Variants in SYS1 observed in about 807,000 individuals in gnomAD.
SYS1 encodes protein SYS1 homolog.
A neutral mutation model predicts 17.8 loss-of-function variants in SYS1; 8 were observed. The ratio of observed to expected loss-of-function variants is 0.45; its 90% CI spans 0.26 to 0.81. The LOEUF (loss-of-function observed/expected upper bound fraction) is 0.81, where lower values mean the gene tolerates loss of function less well. Among genes scored for constraint, SYS1 ranks in the 40% least tolerant of loss-of-function variants. The pLI is 0.16. For missense variants in SYS1, 161 were observed against 203.9 expected (o/e 0.79, Z 1.28); for synonymous variants, 95 against 90.9 (o/e 1.05, Z -0.26).
rs1366601071 is a variant in SYS1 at position 45,363,156 on chromosome 20, C to CT, written c.-160dup. ...TCCGCTGCTTTCCCCGGAAACGTTT[C>CT]TTTCCTACGCAGCCGCTCCTGCCGC... On this transcript the variant is annotated 5_prime_UTR_variant, in exon 1 of 4. Coordinates refer to ENST00000243918, the MANE Select transcript of SYS1 (RefSeq NM_033542.4). The CT allele has an allele frequency of 9.7e-7, 1 of 1,029,010 alleles. No homozygotes were observed. Among genetic ancestry groups the CT allele is most frequent in the African/African-American group, 1.7e-5 (1 of 58,340 alleles). 63.7% of individuals were successfully genotyped at this position (1,029,010 alleles called of 1,614,324 possible). A position where few individuals can be genotyped will look rare whatever the true frequency, so the allele number is the denominator to read the frequency against.
Position 45,368,863 on chromosome 20 carries a change from G to C in SYS1, c.*1748G>C. 1.0e-6 allele frequency: 1 copy of C among 984,910 alleles called. No homozygotes were observed. Among genetic ancestry groups the C allele is most frequent in the Non-Finnish European group, 1.2e-6 (1 of 829,468 alleles). The allele number at this position is 984,910 out of a possible 1,614,324, so 61.0% of individuals were successfully genotyped here. A position where few individuals can be genotyped will look rare whatever the true frequency, so the allele number is the denominator to read the frequency against. ...TGGCTGCTGTCACCCTTGACCAGCC[G>C]TGGTGGTGGTTACTCCATCTGTGGT... On this transcript the variant is annotated 3_prime_UTR_variant, in exon 4 of 4. Transcript: ENST00000243918.
Position 45,367,263 on chromosome 20 carries a change from TCA to T in SYS1, c.*149_*150del. The stretch of plus-strand genomic sequence containing the variant: ...GTTTGGGAGAGATAGTGAGGGCCTG[TCA>T]AAGAAGGCAGGTAGCAGTCAGCATG... On this transcript the variant is annotated 3_prime_UTR_variant, in exon 4 of 4. Coordinates refer to ENST00000243918, the MANE Select transcript of SYS1 (RefSeq NM_033542.4). 6.8e-7 allele frequency: 1 copy of T among 1,465,364 alleles called. No individual in the cohort carries two copies. Among genetic ancestry groups the T allele is most frequent in the East Asian group, 2.4e-5 (1 of 42,064 alleles). The allele number at this position is 1,465,364 out of a possible 1,614,324, so 90.8% of individuals were successfully genotyped here.
At chr20:45,373,675 G>A, downstream of SYS1, 1 of 567,070 alleles carries the variant, frequency 1.8e-6, no homozygotes, top group South Asian at 2.2e-5. Flanking sequence ...CGAGCGCCCT[G>A]ACTTCACAGA....
intron 2 of SYS1, among the ~76,000 whole-genome samples, chr20:45,364,693 G>A (rs952328010): frequency 3.3e-5 from 5 of 151,760 alleles, no homozygotes; most frequent in Admixed American, 2.6e-4. Context: ...GGATGGTCTC[G>A]ATCTCCTGAC....
intron 3 of SYS1, chr20:45,374,281 C>CT (rs762125192): frequency 8.7e-5 from 60 of 690,220 alleles, no homozygotes; most frequent in Admixed American, 2.1e-4. Context: ...TTTTTCCTTT[C>CT]TTTTTTTTTA....
chr20:45,367,162 C>A lies in SYS1; in HGVS notation c.*47C>A. 1.2e-6 allele frequency: 2 copies of A among 1,605,992 alleles called. No individual in the cohort carries two copies. The highest frequency in any genetic ancestry group is 1.7e-6 in the Non-Finnish European group (2 of 1,175,296). ...TGCTGACACTTGGGCCCCTTAACAC[C>A]TTGGGCTGCTCAGACCCTCCAGATG... On this transcript the variant is annotated 3_prime_UTR_variant, in exon 4 of 4. Coordinates refer to ENST00000243918, the MANE Select transcript of SYS1 (RefSeq NM_033542.4).
chr20:45,369,728 A>G (rs896463994), downstream of SYS1, among the ~76,000 whole-genome samples: 14 of 151,076 alleles, frequency 9.3e-5, no homozygotes, highest in African/African-American at 3.4e-4. Flanking sequence ...CAGCCCCCCA[A>G]GTAGCTGGGA....
chr20:45,371,080 A>G (rs2741425), downstream of SYS1, among the ~76,000 whole-genome samples: 520 of 152,254 alleles, frequency 3.4e-3, 5 homozygotes, highest in African/African-American at 0.012. Flanking sequence ...GATCTTGGGT[A>G]AGCTATGTTA....
chr20:45,373,624 TCGC>T (rs1988623246), downstream of SYS1: 1 of 454,306 alleles, frequency 2.2e-6, no homozygotes, highest in African/African-American at 1.9e-5. Flanking sequence ...TCTTGCGAGC[TCGC>T]GGGGCGATTG....
Position 45,365,675 on chromosome 20 carries a change from C to T in SYS1, c.219C>T (p.Asn73=), listed in dbSNP as rs777457455. The stretch of plus-strand genomic sequence containing the variant: ...TCTCCATGATGTCCTTCATCCTCAA[C>T]GCCCTCACCTGGTGAGTATCACCAG... ...GRLSMMSFIL[N]ALTCALGLLY... The change falls in exon 3 of 4, where the codon AAC becomes AAT. Residue 73 remains asparagine (N), a synonymous_variant. Transcript: ENST00000243918. 4.3e-6 allele frequency: 7 copies of T among 1,614,146 alleles called. No individual in the cohort carries two copies. The highest frequency in any genetic ancestry group is 2.7e-5 in the African/African-American group (2 of 75,032).
rs140749246 is a variant in SYS1 at position 45,363,762 on chromosome 20, T to G, written c.162+69T>G. The G allele has an allele frequency of 5.2e-4, 768 of 1,481,086 alleles. 3 individuals carry two copies. In the African/African-American group the frequency reaches 9.3e-3, roughly 18 times the overall value. 91.7% of individuals were successfully genotyped at this position (1,481,086 alleles called of 1,614,324 possible). A position where few individuals can be genotyped will look rare whatever the true frequency, so the allele number is the denominator to read the frequency against. On this transcript the variant is annotated intron_variant, in intron 2 of 3. Coordinates refer to ENST00000243918, the MANE Select transcript of SYS1 (RefSeq NM_033542.4). ...AGTAGGCTTTGTGGTCCATCACTAC[T>G]GTGCTGTAGACGTGGCTGGGTCACC...
chr20:45,373,895 AT>A (rs1988634343), downstream of SYS1: 1 of 1,611,372 alleles, frequency 6.2e-7, no homozygotes, highest in Admixed American at 1.7e-5. Context: ...CTTAGGTGCC[AT>A]ATGGAAGATC....
rs573977333 is a variant in SYS1, at chr20:45,367,981, T to C, written c.*866T>C. 1.5e-5 allele frequency: 15 copies of C among 985,466 alleles called. No homozygotes were observed. The highest frequency in any genetic ancestry group is 6.1e-5 in the Admixed American group (1 of 16,288). 61.0% of individuals were successfully genotyped at this position (985,466 alleles called of 1,614,324 possible). On this transcript the variant is annotated 3_prime_UTR_variant, in exon 4 of 4. Transcript: ENST00000243918. Reference sequence around the variant, plus strand: ...GTTCCCAGAGACAAGAAGCCCAACCTTCTGGCCTGGGCTGTGCTGATAGTG... The same window carrying C: ...GTTCCCAGAGACAAGAAGCCCAACCCTCTGGCCTGGGCTGTGCTGATAGTG...
At chr20:45,362,453 G>A (rs1280977815), upstream of SYS1, among the ~76,000 whole-genome samples, 1 of 152,050 alleles carries the variant, frequency 6.6e-6, no homozygotes. Context: ...TGCAACCTCT[G>A]CCTCCCGGGT....
chr20:45,368,848 C>T lies in SYS1; in HGVS notation c.*1733C>T. 3 of 985,442 alleles carry T rather than the reference C, an allele frequency of 3.0e-6. No individual in the cohort carries two copies. The highest frequency in any genetic ancestry group is 3.6e-6 in the Non-Finnish European group (3 of 829,938). 61.0% of individuals were successfully genotyped at this position (985,442 alleles called of 1,614,324 possible). On this transcript the variant is annotated 3_prime_UTR_variant, in exon 4 of 4. Transcript: ENST00000243918. ...AGAACACCCATCATGTGGCTGCTGTCACCCTTGACCAGCCGTGGTGGTGGT... is the reference window on the plus strand; with the variant it reads ...AGAACACCCATCATGTGGCTGCTGTTACCCTTGACCAGCCGTGGTGGTGGT...
intron 1 of SYS1, 67 bp from the exon 2 acceptor site, chr20:45,363,462 C>T: frequency 6.6e-7 from 1 of 1,514,744 alleles, no homozygotes; most frequent in East Asian, 2.4e-5. Context: ...CCAGTCCCTC[C>T]TCCCGGGCGG....
rs780768231 is a variant in SYS1, at chr20:45,365,662, C to T, written c.206C>T (p.Ser69Phe). The change falls in exon 3 of 4, where the codon TCC becomes TTC. Residue 69 changes from serine (S) to phenylalanine (F), a missense_variant. By Grantham distance (155) the Ser-to-Phe change is radical (BLOSUM62 -2). Coordinates refer to ENST00000243918, the MANE Select transcript of SYS1 (RefSeq NM_033542.4). ...CCTCCAGGCCGGCTCTCCATGATGT[C>T]CTTCATCCTCAACGCCCTCACCTGG... ...STPPGRLSMMSFILNALTCAL... is the reference protein window; with the variant it reads ...STPPGRLSMMFFILNALTCAL... 3.1e-6 allele frequency: 5 copies of T among 1,614,190 alleles called. No homozygotes were observed. Among genetic ancestry groups the T allele is most frequent in the Non-Finnish European group, 4.2e-6 (5 of 1,180,032 alleles).
At chr20:45,364,503 C>A (rs999103719) in intron 2 of SYS1, among the ~76,000 whole-genome samples, 3 of 113,960 alleles carry the variant, frequency 2.6e-5, no homozygotes, top group African/African-American at 1.0e-4. Flanking sequence ...ACGGAGTCTC[C>A]CTCTGTCGCC....
rs1449702866 is a variant in SYS1 at position 45,363,556 on chromosome 20, G to A, written c.25G>A (p.Val9Met). Residue 9 changes from valine (V) to methionine (M), a missense_variant, in exon 2 of 4, where the codon GTG becomes ATG. Physicochemically the swap from Val to Met is conservative, Grantham distance 21 (BLOSUM62 1). Coordinates refer to ENST00000243918, the MANE Select transcript of SYS1 (RefSeq NM_033542.4). MAGQFRSY[V>M]WDPLLILSQI... Reference sequence around the variant, plus strand: ...CATGGCGGGTCAGTTCCGCAGCTACGTGTGGGACCCGCTGCTGATCCTGTC... The same window carrying A: ...CATGGCGGGTCAGTTCCGCAGCTACATGTGGGACCCGCTGCTGATCCTGTC... 2 of 1,579,428 alleles carry A rather than the reference G, an allele frequency of 1.3e-6. No homozygotes were observed. The highest frequency in any genetic ancestry group is 1.7e-6 in the Non-Finnish European group (2 of 1,164,044).
Sources: allele counts gnomAD v4.1 joint callset (sites outside exome capture counted in the v4.1 genomes callset), GRCh38; gene constraint gnomAD v4.1.1; transcripts MANE v1.5; gene names NCBI Gene and HGNC (gene_info 2026-07-23, HGNC 2026-07-21).